The following BRMS1L variants were observed in gnomAD, a reference collection of about 807,000 sequenced individuals.
The protein encoded by BRMS1L is breast cancer metastasis-suppressor 1-like protein.
A neutral mutation model predicts 50.3 loss-of-function variants in BRMS1L; 23 were observed. That is an observed-to-expected ratio of 0.46 (90% CI 0.33 to 0.65). The LOEUF (loss-of-function observed/expected upper bound fraction) is 0.65. BRMS1L is among the 30% of genes least tolerant of loss of function. BRMS1L has a pLI of 0.02. For synonymous variants in BRMS1L, 114 were observed against 126.9 expected, an observed-to-expected ratio of 0.90 and a Z score of 0.69; for missense variants, 286 against 386.1, an observed-to-expected ratio of 0.74 and a Z score of 2.17.
chr14:35,832,024 A>T (rs2077926164), intron 2 of BRMS1L, among the ~76,000 whole-genome samples: 1 of 152,192 alleles, frequency 6.6e-6, no homozygotes, highest in African/African-American at 2.4e-5. Context: ...AAATTAGAGT[A>T]TTTGTAAGTG....
intron 4 of BRMS1L, among the ~76,000 whole-genome samples, chr14:35,851,582 C>A (rs2078212260): frequency 6.6e-6 from 1 of 152,094 alleles, no homozygotes; most frequent in Non-Finnish European, 1.5e-5. Context: ...TTTAAGAATT[C>A]CTTGGCATGT....
At chr14:35,854,794 T>G (rs991072129) in intron 4 of BRMS1L, among the ~76,000 whole-genome samples, 11 of 152,244 alleles carry the variant, frequency 7.2e-5, no homozygotes, top group African/African-American at 2.7e-4. Flanking sequence ...TCAGAGGATG[T>G]AGCTCCTCAG....
At chr14:35,839,902 C>T (rs1392670673) in intron 4 of BRMS1L, among the ~76,000 whole-genome samples, 1 of 152,170 alleles carries the variant, frequency 6.6e-6, no homozygotes, top group Non-Finnish European at 1.5e-5. Context: ...ACTTCCAATA[C>T]TATGTCGAAT....
At chr14:35,831,621 A>G (rs2142036880) in intron 2 of BRMS1L, 121 bp downstream of exon 2, 1 of 692,236 alleles carries the variant, frequency 1.4e-6, no homozygotes, top group Non-Finnish European at 2.5e-6. Context: ...GACCAATTTG[A>G]AAGAGGCTTC....
intron 8 of BRMS1L, 97 bp from the exon 9 acceptor site, chr14:35,867,809 A>G: frequency 5.1e-6 from 6 of 1,186,000 alleles, no homozygotes; most frequent in Non-Finnish European, 6.6e-6. Context: ...GGCCTTTTTT[A>G]CATATGCATG....
intron 4 of BRMS1L, among the ~76,000 whole-genome samples, chr14:35,853,771 G>A (rs948280178): frequency 6.6e-6 from 1 of 152,032 alleles, no homozygotes; most frequent in African/African-American, 2.4e-5. Context: ...TTTTCCATTT[G>A]TTCTGATTTG....
chr14:35,867,427 T>C (rs1033401869), intron 8 of BRMS1L, among the ~76,000 whole-genome samples: 4 of 152,184 alleles, frequency 2.6e-5, no homozygotes, highest in African/African-American at 7.2e-5. Context: ...TGCCAGATGA[T>C]TTCTGGAATT....
chr14:35,863,804 TAG>T (rs753717742), intron 5 of BRMS1L, 64 bp from the exon 6 acceptor site: 69 of 1,417,746 alleles, frequency 4.9e-5, no homozygotes, highest in Non-Finnish European at 6.5e-5. Flanking sequence ...ACCATAAAAT[TAG>T]AGTCTTTTTT....
chr14:35,862,823 C>T, intron 5 of BRMS1L, 137 bp downstream of exon 5: 1 of 424,296 alleles, frequency 2.4e-6, no homozygotes, highest in Non-Finnish European at 4.1e-6. Flanking sequence ...AGGGGAAGAA[C>T]TCTAAAGTGA....
chr14:35,846,202 C>T (rs1270139415), intron 4 of BRMS1L, among the ~76,000 whole-genome samples: 1 of 151,304 alleles, frequency 6.6e-6, no homozygotes, highest in East Asian at 1.9e-4. Flanking sequence ...GCCTGGGTAA[C>T]AAAGCAAGAC....
intron 1 of BRMS1L, chr14:35,829,989 C>T (rs777872505): frequency 2.5e-5 from 7 of 281,008 alleles, no homozygotes; most frequent in South Asian, 6.6e-5. Context: ...TATGGGTAGA[C>T]GGAATAAGGG....
intron 6 of BRMS1L, among the ~76,000 whole-genome samples, chr14:35,864,298 G>A (rs1762879042): frequency 6.6e-6 from 1 of 152,124 alleles, no homozygotes; most frequent in East Asian, 1.9e-4. Context: ...GTCTCACTGT[G>A]CCACCTAGGC....
chr14:35,859,798 C>CAGGCAGCTAA, intron 4 of BRMS1L, among the ~76,000 whole-genome samples: 1 of 151,846 alleles, frequency 6.6e-6, no homozygotes, highest in South Asian at 2.1e-4. Context: ...TACAGGCCCA[C>CAGGCAGCTAA]GCTGCCATGC....
In BRMS1L at chr14:35,870,636, T is replaced by C; in HGVS notation, c.*159T>C. On this transcript the variant is annotated 3_prime_UTR_variant, in exon 10 of 10. Coordinates refer to ENST00000216807, the MANE Select transcript of BRMS1L (RefSeq NM_032352.4). ...CTAAATAGATCTCATTGATATGTTA[T>C]TAAAAGAAACAGTAATAAAAATTTT... The C allele has an allele frequency of 2.4e-6, 1 of 417,732 alleles. No individual in the cohort carries two copies. Among genetic ancestry groups the C allele is most frequent in the East Asian group, 4.2e-5 (1 of 24,002 alleles). The allele number at this position is 417,732 out of a possible 1,614,324, so 25.9% of individuals were successfully genotyped here.
chr14:35,835,033 C>T, intron 4 of BRMS1L, 110 bp downstream of exon 4: 1 of 578,714 alleles, frequency 1.7e-6, no homozygotes, highest in Non-Finnish European at 2.6e-6. Flanking sequence ...AGTACTTTAG[C>T]TCATCATTTG....
chr14:35,835,645 C>T (rs747769525), intron 4 of BRMS1L, among the ~76,000 whole-genome samples: 5 of 152,196 alleles, frequency 3.3e-5, no homozygotes, highest in African/African-American at 4.8e-5. Flanking sequence ...GAAGTCAAGA[C>T]CAGTCTGGGC....
intron 4 of BRMS1L, among the ~76,000 whole-genome samples, chr14:35,840,049 T>C (rs2142043150): frequency 6.6e-6 from 1 of 152,354 alleles, no homozygotes; most frequent in East Asian, 1.9e-4. Context: ...ATTCCATCAA[T>C]ACCTAGTTCA....
intron 2 of BRMS1L, among the ~76,000 whole-genome samples, chr14:35,832,534 A>G (rs985328921): frequency 6.6e-6 from 1 of 150,450 alleles, no homozygotes; most frequent in Non-Finnish European, 1.5e-5. Context: ...AGTAGGCTGA[A>G]TACAGTAATA....
chr14:35,851,704 G>A (rs775212650), intron 4 of BRMS1L, among the ~76,000 whole-genome samples: 3 of 152,212 alleles, frequency 2.0e-5, no homozygotes, highest in Non-Finnish European at 2.9e-5. Context: ...CTGTTGGTGG[G>A]AATGTCAATT....
Sources: allele counts gnomAD v4.1 joint callset (sites outside exome capture counted in the v4.1 genomes callset), GRCh38; gene constraint gnomAD v4.1.1; transcripts MANE v1.5; gene names NCBI Gene and HGNC (gene_info 2026-07-23, HGNC 2026-07-21).